The following PDE8A variants were observed in gnomAD, a reference collection of about 807,000 sequenced individuals.
PDE8A encodes phosphodiesterase 8A, also known as high affinity cAMP-specific and IBMX-insensitive 3',5'-cyclic phosphodiesterase 8A.
A neutral mutation model predicts 105.0 loss-of-function variants in PDE8A; 59 were observed. That is an observed-to-expected ratio of 0.56 (90% CI 0.46 to 0.70). The LOEUF (loss-of-function observed/expected upper bound fraction) is 0.70, where lower values mean the gene tolerates loss of function less well. PDE8A is among the 30% of genes least tolerant of loss of function. The pLI, the probability that PDE8A is intolerant of heterozygous loss-of-function variation, is 0.00. For synonymous variants in PDE8A, 355 were observed against 371.9 expected (o/e 0.95, Z 0.52); for missense variants, 1,014 against 1,045.9 (o/e 0.97, Z 0.42).
intron 1 of PDE8A, among the ~76,000 whole-genome samples, chr15:85,045,450 A>G (rs992643857): frequency 6.6e-6 from 1 of 152,212 alleles, no homozygotes; most frequent in Non-Finnish European, 1.5e-5. Context: ...TCCTGCAACT[A>G]CTGCTTACCA....
At chr15:85,039,053 A>G (rs1387133525) in intron 1 of PDE8A, among the ~76,000 whole-genome samples, 2 of 151,824 alleles carry the variant, frequency 1.3e-5, no homozygotes, top group Non-Finnish European at 2.9e-5. Flanking sequence ...CTCGGGAGGC[A>G]GAGGTTGCAG....
chr15:84,997,600 G>GT (rs900545849), intron 1 of PDE8A, among the ~76,000 whole-genome samples: 69 of 148,222 alleles, frequency 4.7e-4, no homozygotes, highest in African/African-American at 1.3e-3. Context: ...ATCTTTTTTT[G>GT]TTTTTTTTTG....
At chr15:85,130,465 A>G (rs7171410) in intron 20 of PDE8A, among the ~76,000 whole-genome samples, 59,760 of 151,896 alleles carry the variant, frequency 0.39, 11,870 homozygotes, top group South Asian at 0.54. Context: ...TAAAATATAT[A>G]CTGTTTGTTT....
At chr15:84,993,287 CA>C (rs930652603) in intron 1 of PDE8A, among the ~76,000 whole-genome samples, 14 of 151,288 alleles carry the variant, frequency 9.3e-5, no homozygotes, top group Non-Finnish European at 2.1e-4. Context: ...TCTAAAAATA[CA>C]AAAAATTAGC....
chr15:85,128,764 A>G (rs529218390), intron 20 of PDE8A, among the ~76,000 whole-genome samples: 2 of 152,378 alleles, frequency 1.3e-5, no homozygotes, highest in African/African-American at 2.4e-5. Flanking sequence ...TGAAAAGCCA[A>G]TAAGCACATG....
chr15:85,011,922 A>G (rs1208882146), intron 1 of PDE8A, among the ~76,000 whole-genome samples: 1 of 152,266 alleles, frequency 6.6e-6, no homozygotes, highest in African/African-American at 2.4e-5. Flanking sequence ...TAAGACATTT[A>G]TGCAGCCAAA....
rs868184002 is a variant in PDE8A at position 85,078,567 on chromosome 15, A to G, written c.546+1780A>G. On this transcript the variant is annotated intron_variant, in intron 5 of 21. Coordinates refer to ENST00000394553, the MANE Select transcript of PDE8A (RefSeq NM_002605.3). ...CCATCTCAAAAAAAAAAAAAAAAAA[A>G]AAAGAAAGAAAAGAAAAGAACTTCC... Among the ~76,000 whole-genome samples the G allele has an allele frequency of 1.8e-3, 276 of 150,076 alleles. 2 individuals carry two copies. The South Asian group carries it at 0.023, about 12-fold the overall frequency.
intron 1 of PDE8A, among the ~76,000 whole-genome samples, chr15:85,011,342 G>C (rs1462900685): frequency 6.6e-6 from 1 of 152,160 alleles, no homozygotes; most frequent in Non-Finnish European, 1.5e-5. Flanking sequence ...TTAGAAGACA[G>C]GTTTGGAGCC....
intron 3 of PDE8A, among the ~76,000 whole-genome samples, chr15:85,074,115 C>T (rs530329129): frequency 5.3e-5 from 8 of 152,258 alleles, no homozygotes; most frequent in African/African-American, 1.2e-4. Context: ...ACTGGCTGGT[C>T]GCTAGAGCTG....
At chr15:85,055,475 C>T (rs1179316930) in intron 1 of PDE8A, among the ~76,000 whole-genome samples, 4 of 151,986 alleles carry the variant, frequency 2.6e-5, no homozygotes, top group African/African-American at 9.7e-5. Flanking sequence ...AAGGACTTGC[C>T]TTATGAATCT....
chr15:85,039,867 T>C (rs2080772340), intron 1 of PDE8A, among the ~76,000 whole-genome samples: 2 of 152,146 alleles, frequency 1.3e-5, no homozygotes. Context: ...ATGATTTCAC[T>C]TATGTGGAAT....
At position 85,028,455 on chromosome 15, in the gene PDE8A, T is replaced by G. The variant is rs559308035; in HGVS notation, c.187-35915T>G. Reference sequence around the variant, plus strand: ...GTCTTGAGCTCCTGGCCTCAAGTGATCCTCCTTCCTCAGCCTCGCCAAGTG... The same window carrying G: ...GTCTTGAGCTCCTGGCCTCAAGTGAGCCTCCTTCCTCAGCCTCGCCAAGTG... On this transcript the variant is annotated intron_variant, in intron 1 of 21. Transcript: ENST00000394553. 6.6e-5 allele frequency among the ~76,000 whole-genome samples: 10 copies of G among 152,130 alleles called. No homozygotes were observed. The South Asian group carries it at 2.1e-3, about 32-fold the overall frequency.
chr15:85,113,873 G>A lies in PDE8A; in HGVS notation c.1186G>A (p.Val396Ile), dbSNP rs1380790060. ...CAAGTATTTTCTTTCCATAATGTAG[G>A]TAATCAATATTATCAATGCTGCCCA... is the stretch of plus-strand genomic sequence containing the variant. Reference protein sequence around the residue: ...SMTIEAPITKVINIINAAQES... With the variant: ...SMTIEAPITKIINIINAAQES... Residue 396 changes from valine to isoleucine, a missense_variant and splice_region_variant, in exon 14 of 22, where the codon GTA (valine) becomes ATA (isoleucine). By Grantham distance (29) the Val-to-Ile change is conservative. Coordinates refer to ENST00000394553, the MANE Select transcript of PDE8A (RefSeq NM_002605.3). 3 of 1,607,104 alleles carry A rather than the reference G, an allele frequency of 1.9e-6. No homozygotes were observed. The highest frequency in any genetic ancestry group is 2.6e-6 in the Non-Finnish European group (3 of 1,175,496).
chr15:85,059,808 A>G (rs1024174680), intron 1 of PDE8A, among the ~76,000 whole-genome samples: 1 of 152,150 alleles, frequency 6.6e-6, no homozygotes, highest in Non-Finnish European at 1.5e-5. Context: ...TAAAGTAATT[A>G]CTGAGCTTGC....
chr15:85,020,619 CAA>C (rs2080409564), intron 1 of PDE8A, among the ~76,000 whole-genome samples: 1 of 152,044 alleles, frequency 6.6e-6, no homozygotes, highest in Non-Finnish European at 1.5e-5. Context: ...AAAACAACAA[CAA>C]AAAGTTTTTT....
At chr15:85,015,198 C>G (rs1382746789) in intron 1 of PDE8A, among the ~76,000 whole-genome samples, 1 of 151,854 alleles carries the variant, frequency 6.6e-6, no homozygotes, top group East Asian at 1.9e-4. Context: ...AACATTTGAA[C>G]ATTTGAGTTG....
intron 1 of PDE8A, among the ~76,000 whole-genome samples, chr15:85,061,231 TTTTA>T (rs1232829301): frequency 8.5e-5 from 13 of 152,114 alleles, no homozygotes; most frequent in African/African-American, 3.1e-4. Flanking sequence ...TTTTCTTCTT[TTTTA>T]TTTATTTATT....
At chr15:85,058,956 A>G (rs987903355) in intron 1 of PDE8A, among the ~76,000 whole-genome samples, 2 of 151,998 alleles carry the variant, frequency 1.3e-5, no homozygotes, top group Admixed American at 1.3e-4. Context: ...CTCTTTTTCT[A>G]GTTCCCTAAA....
At chr15:84,986,743 C>T (rs2079808401) in intron 1 of PDE8A, among the ~76,000 whole-genome samples, 1 of 151,924 alleles carries the variant, frequency 6.6e-6, no homozygotes, top group African/African-American at 2.4e-5. Context: ...TCCCAAGTAA[C>T]TGGGACTACA....
Sources: allele counts gnomAD v4.1 joint callset (sites outside exome capture counted in the v4.1 genomes callset), GRCh38; gene constraint gnomAD v4.1.1; transcripts MANE v1.5; gene names NCBI Gene and HGNC (gene_info 2026-07-23, HGNC 2026-07-21).